The following NOM1 variants were observed in gnomAD, a reference collection of about 807,000 sequenced individuals.
NOM1 encodes nucleolar MIF4G domain-containing protein 1.
NOM1 carries 58 observed loss-of-function variants against 73.3 expected under a neutral mutation model. The ratio of observed to expected loss-of-function variants is 0.79; its 90% CI spans 0.64 to 0.99. NOM1 has a LOEUF of 0.99. Ranked by LOEUF, NOM1 falls within the 50% of genes least tolerant of loss-of-function variation. The pLI is 0.00. For missense variants in NOM1, 1,226 were observed against 1,131.9 expected (o/e 1.08, Z -1.19); for synonymous variants, 487 against 446.8 (o/e 1.09, Z -1.14).
chr7:156,951,671 A>AC (rs1804595508), intron 1 of NOM1, among the ~76,000 whole-genome samples: 1 of 150,054 alleles, frequency 6.7e-6, no homozygotes, highest in Admixed American at 6.7e-5. Context: ...AAACACCACC[A>AC]CCCCCCTTGA....
rs1804538936 is a variant in NOM1 at position 156,950,062 on chromosome 7, G to C, written c.325G>C (p.Gly109Arg). Reference protein sequence around the residue: ...QRTAGPEQGPGLGGRSGAEEA... With the variant: ...QRTAGPEQGPRLGGRSGAEEA... Reference sequence around the variant, plus strand: ...GACGGCGGGCCCCGAACAGGGTCCCGGCCTGGGAGGCCGAAGCGGAGCCGA... The same window carrying C: ...GACGGCGGGCCCCGAACAGGGTCCCCGCCTGGGAGGCCGAAGCGGAGCCGA... The change falls in exon 1 of 11, where the codon GGC becomes CGC. Residue 109 changes from glycine to arginine, a missense_variant. Physicochemically the swap from Gly to Arg is moderately radical, Grantham distance 125 (BLOSUM62 -2). Coordinates refer to ENST00000275820, the MANE Select transcript of NOM1 (RefSeq NM_138400.2). 1 of 1,543,506 alleles carries C rather than the reference G, an allele frequency of 6.5e-7. No individual in the cohort carries two copies. Among genetic ancestry groups the C allele is most frequent in the South Asian group, 1.2e-5 (1 of 84,250 alleles).
rs780431175 is a variant in NOM1 at position 156,969,174 on chromosome 7, G to T, written c.2386G>T (p.Asp796Tyr). The T allele has an allele frequency of 1.3e-6, 2 of 1,570,430 alleles. No homozygotes were observed. ...SILLMETEVE[D>Y]LSLIFTRVSD... ...CCTATTAATGGAAACAGAAGTTGAA[G>T]ACCTCAGTTTAATTTTCACAAGGTA... is the stretch of plus-strand genomic sequence containing the variant. Residue 796 changes from aspartate to tyrosine, a missense_variant, in exon 10 of 11, where the codon GAC becomes TAC. Asp to Tyr is a radical substitution (Grantham distance 160). Transcript: ENST00000275820.
chr7:156,957,795 A>AAG (rs1563681002), intron 3 of NOM1, among the ~76,000 whole-genome samples: 13 of 147,772 alleles, frequency 8.8e-5, no homozygotes, highest in African/African-American at 1.5e-4. Context: ...AAAAAAAAAA[A>AAG]AAAAAGAAAA....
Position 156,969,823 on chromosome 7 carries a change from T to C in NOM1, c.*120T>C. ...AGAGCTATATCATTGTCTGTTAATG[T>C]ATTATATTTTGAGATTTTTTTTGAT... is the stretch of plus-strand genomic sequence containing the variant. On this transcript the variant is annotated 3_prime_UTR_variant, in exon 11 of 11. Transcript: ENST00000275820. 1.0e-6 allele frequency: 1 copy of C among 954,632 alleles called. No individual in the cohort carries two copies. Among genetic ancestry groups the C allele is most frequent in the East Asian group, 2.9e-5 (1 of 34,220 alleles). 59.1% of individuals were successfully genotyped at this position (954,632 alleles called of 1,614,324 possible).
chr7:156,963,187 C>T lies in NOM1; in HGVS notation c.1911+12C>T. 6.2e-7 allele frequency: 1 copy of T among 1,613,892 alleles called. No homozygotes were observed. The highest frequency in any genetic ancestry group is 1.1e-5 in the South Asian group (1 of 91,078). On this transcript the variant is annotated intron_variant, in intron 6 of 10. Coordinates refer to ENST00000275820, the MANE Select transcript of NOM1 (RefSeq NM_138400.2). ...AGCTTGTGGGGACGGTAGGGACACC[C>T]ATGCTCAAGGCTGCCAGGCAGAGGC...
At chr7:156,962,595 C>T (rs1804893805) in intron 5 of NOM1, among the ~76,000 whole-genome samples, 1 of 152,200 alleles carries the variant, frequency 6.6e-6, no homozygotes, top group African/African-American at 2.4e-5. Flanking sequence ...ATTGGGATGA[C>T]GTAGGTCCTT....
At chr7:156,961,244 C>T (rs1218335885) in intron 4 of NOM1, among the ~76,000 whole-genome samples, 1 of 152,120 alleles carries the variant, frequency 6.6e-6, no homozygotes, top group Non-Finnish European at 1.5e-5. Context: ...AGCCAGGGAA[C>T]ACTAGTGTCC....
chr7:156,969,219 C>G (rs2302444), intron 10 of NOM1, 23 bp downstream of exon 10: 5 of 1,179,310 alleles, frequency 4.2e-6, no homozygotes, highest in Non-Finnish European at 6.4e-6. Context: ...CCCTTTCCGA[C>G]GAGACATGGA....
rs758419482 is a variant in NOM1, at chr7:156,963,185, C to T, written c.1911+10C>T. On this transcript the variant is annotated intron_variant, in intron 6 of 10. Coordinates refer to ENST00000275820, the MANE Select transcript of NOM1 (RefSeq NM_138400.2). Reference sequence around the variant, plus strand: ...GCAGCTTGTGGGGACGGTAGGGACACCCATGCTCAAGGCTGCCAGGCAGAG... The same window carrying T: ...GCAGCTTGTGGGGACGGTAGGGACATCCATGCTCAAGGCTGCCAGGCAGAG... 18 of 1,613,760 alleles carry T rather than the reference C, an allele frequency of 1.1e-5. No homozygotes were observed. The highest frequency in any genetic ancestry group is 2.7e-5 in the African/African-American group (2 of 74,904).
intron 8 of NOM1, 39 bp downstream of exon 8, chr7:156,966,441 T>C (rs779689422): frequency 6.2e-7 from 1 of 1,610,652 alleles, no homozygotes; most frequent in Non-Finnish European, 8.5e-7. Context: ...TCCGCTCTAC[T>C]ATTTTTTCTA....
intron 4 of NOM1, 171 bp downstream of exon 4, chr7:156,960,345 A>T (rs1804833685): frequency 5.1e-6 from 3 of 590,568 alleles, no homozygotes; most frequent in Non-Finnish European, 3.0e-6. Context: ...TTATTCCTTT[A>T]CCAGAAAAAT....
intron 3 of NOM1, 64 bp downstream of exon 3, chr7:156,954,362 C>A: frequency 7.2e-7 from 1 of 1,384,276 alleles, no homozygotes; most frequent in Non-Finnish European, 9.8e-7. Flanking sequence ...TAATGATAGG[C>A]TTGATAAGTG....
At chr7:156,965,533 C>T (rs1231380162) in intron 7 of NOM1, among the ~76,000 whole-genome samples, 2 of 152,188 alleles carry the variant, frequency 1.3e-5, no homozygotes, top group East Asian at 1.9e-4. Flanking sequence ...TCGGCATTGC[C>T]GGTGGTGACC....
Position 156,950,467 on chromosome 7 carries a change from C to T in NOM1, c.730C>T (p.Gln244Ter), listed in dbSNP as rs1246882502. 6.2e-7 allele frequency: 1 copy of T among 1,613,874 alleles called. No individual in the cohort carries two copies. Among genetic ancestry groups the T allele is most frequent in the East Asian group, 2.2e-5 (1 of 44,878 alleles). ...SSGEEEEDAGQTLPESDLESD... is the reference protein window; with the variant it reads ...SSGEEEEDAG ...TGGTGAGGAGGAGGAAGATGCCGGA[C>T]AGACACTCCCCGAAAGTGACTTAGA... is the stretch of plus-strand genomic sequence containing the variant. The change falls in exon 1 of 11, where the codon CAG becomes TAG. Residue 244 changes from glutamine (Q) to a stop codon, truncating the protein, a stop_gained. Coordinates refer to ENST00000275820, the MANE Select transcript of NOM1 (RefSeq NM_138400.2). LOFTEE classifies it high-confidence loss of function.
At chr7:156,961,979 T>C (rs3750132) in intron 4 of NOM1, among the ~76,000 whole-genome samples, 172 bp from the exon 5 acceptor site, 31,941 of 152,046 alleles carry the variant, frequency 0.21, 3,750 homozygotes, top group East Asian at 0.35. Context: ...TATGTAGCCC[T>C]GAGTAAGCGG....
chr7:156,958,135 A>G (rs1804773106), intron 3 of NOM1, among the ~76,000 whole-genome samples: 2 of 146,160 alleles, frequency 1.4e-5, no homozygotes, highest in African/African-American at 2.4e-5. Flanking sequence ...TTCCCCATAC[A>G]CTCAAGACTG....
At chr7:156,966,900 G>A in intron 8 of NOM1, 61 bp from the exon 9 acceptor site, 1 of 1,394,382 alleles carries the variant, frequency 7.2e-7, no homozygotes, top group Non-Finnish European at 9.8e-7. Context: ...TATGTTGTTA[G>A]TGATATATTA....
chr7:156,964,306 CT>C (rs1380515129), intron 7 of NOM1: 58 of 196,324 alleles, frequency 3.0e-4, no homozygotes, highest in Non-Finnish European at 5.4e-4. Context: ...TGCCATGTTG[CT>C]CAGGCTGGAG....
intron 4 of NOM1, among the ~76,000 whole-genome samples, chr7:156,961,638 A>G (rs1039189146): frequency 2.0e-5 from 3 of 152,306 alleles, no homozygotes; most frequent in South Asian, 2.1e-4. Flanking sequence ...GTTTTATGCT[A>G]TGTGAATTCT....
Sources: allele counts gnomAD v4.1 joint callset (sites outside exome capture counted in the v4.1 genomes callset), GRCh38; gene constraint gnomAD v4.1.1; transcripts MANE v1.5; gene names NCBI Gene and HGNC (gene_info 2026-07-23, HGNC 2026-07-21).